BOC: variants seen among roughly 807,000 people sequenced by gnomAD.
BOC encodes brother of CDO.
BOC carries 76 observed loss-of-function variants against 112.0 expected under a neutral mutation model. The ratio of observed to expected loss-of-function variants is 0.68; its 90% CI spans 0.56 to 0.82. The LOEUF (loss-of-function observed/expected upper bound fraction) is 0.82. BOC is among the 40% of genes least tolerant of loss of function. The pLI is 0.00. For missense variants in BOC, 1,309 were observed against 1,511.7 expected, an observed-to-expected ratio of 0.87 and a Z score of 2.22; for synonymous variants, 580 against 599.8, an observed-to-expected ratio of 0.97 and a Z score of 0.48.
In BOC at chr3:113,286,948, T is replaced by G; in HGVS notation, c.*86T>G. ...AAAAAGAGACAGAGAAAATTGGTAT[T>G]TATTTTTCTATTATAGCCATATTTA... is the stretch of plus-strand genomic sequence containing the variant. On this transcript the variant is annotated 3_prime_UTR_variant, in exon 20 of 20. Coordinates refer to ENST00000682979, the MANE Select transcript of BOC (RefSeq NM_001378074.1). 3 of 1,284,860 alleles carry G rather than the reference T, an allele frequency of 2.3e-6. No homozygotes were observed. Among genetic ancestry groups the G allele is most frequent in the Non-Finnish European group, 2.1e-6 (2 of 937,646 alleles). 79.6% of individuals were successfully genotyped at this position (1,284,860 alleles called of 1,614,324 possible). A position where few individuals can be genotyped will look rare whatever the true frequency, so the allele number is the denominator to read the frequency against.
At chr3:113,259,160 A>G (rs1371123932) in intron 4 of BOC, among the ~76,000 whole-genome samples, 1 of 152,144 alleles carries the variant, frequency 6.6e-6, no homozygotes, top group Non-Finnish European at 1.5e-5. Flanking sequence ...GTCCCATTCT[A>G]TATTTATCAG....
At chr3:113,264,627 T>C (rs1283614916) in intron 4 of BOC, among the ~76,000 whole-genome samples, 1 of 152,166 alleles carries the variant, frequency 6.6e-6, no homozygotes. Context: ...GGTTAGGCTC[T>C]TATTGATCAT....
At chr3:113,251,099 G>C (rs530351637) in intron 4 of BOC, 9 of 598,964 alleles carry the variant, frequency 1.5e-5, no homozygotes, top group African/African-American at 1.5e-4. Flanking sequence ...GGCAGAACTT[G>C]ACATGGCAGA....
chr3:113,280,039 A>T (rs1038918596), intron 13 of BOC, 34 bp downstream of exon 13: 1 of 1,566,444 alleles, frequency 6.4e-7, no homozygotes, highest in East Asian at 2.3e-5. Context: ...GCAGTGGAAG[A>T]CGGCCTCCCC....
chr3:113,228,887 C>T (rs555111699), intron 2 of BOC, among the ~76,000 whole-genome samples: 2 of 152,342 alleles, frequency 1.3e-5, no homozygotes, highest in South Asian at 4.1e-4. Context: ...CTGCCCCTCC[C>T]ATCCCTGCCT....
chr3:113,262,886 A>G (rs1226920342), intron 4 of BOC, among the ~76,000 whole-genome samples: 1 of 152,192 alleles, frequency 6.6e-6, no homozygotes, highest in African/African-American at 2.4e-5. Context: ...GAGGAGTGTC[A>G]GGGACCCTTT....
Position 113,268,164 on chromosome 3 carries a change from A to G in BOC, c.377-135A>G, listed in dbSNP as rs181931954. Reference sequence around the variant, plus strand: ...GTAGACAACAAGGGGCTGGAGGAAGAACTCGGAGGATCCCCTGATATCCCC... The same window carrying G: ...GTAGACAACAAGGGGCTGGAGGAAGGACTCGGAGGATCCCCTGATATCCCC... On this transcript the variant is annotated intron_variant, in intron 4 of 19. Coordinates refer to ENST00000682979, the MANE Select transcript of BOC (RefSeq NM_001378074.1). 2.5e-4 allele frequency: 337 copies of G among 1,362,554 alleles called. No homozygotes were observed. In the African/African-American group the frequency reaches 3.8e-3, roughly 15 times the overall value. 84.4% of individuals were successfully genotyped at this position (1,362,554 alleles called of 1,614,324 possible).
chr3:113,236,320 A>ATATATATATATATATATATATAT (rs1553726986), intron 2 of BOC, among the ~76,000 whole-genome samples: 5 of 93,798 alleles, frequency 5.3e-5, no homozygotes, highest in Non-Finnish European at 1.1e-4. Flanking sequence ...ATACCCATGG[A>ATATATATATATATATATATATAT]ATACTGCTCA....
At chr3:113,250,113 G>A (rs887173847) in intron 3 of BOC, among the ~76,000 whole-genome samples, 2 of 119,348 alleles carry the variant, frequency 1.7e-5, no homozygotes, top group South Asian at 2.3e-4. Context: ...AAGCTATACC[G>A]GAGGAGGAGG....
At chr3:113,238,084 G>A (rs907413714) in intron 2 of BOC, among the ~76,000 whole-genome samples, 6 of 152,200 alleles carry the variant, frequency 3.9e-5, no homozygotes, top group African/African-American at 1.4e-4. Context: ...ACGGGAACCA[G>A]AATGAGGAAC....
chr3:113,250,748 C>T lies in BOC; in HGVS notation c.291C>T (p.Asn97=), dbSNP rs1945517028. ...GGACCCTCGTCATCACTGCCCTTAACAACCACACTGTGGGACGGTACCAGT... is the reference window on the plus strand; with the variant it reads ...GGACCCTCGTCATCACTGCCCTTAATAACCACACTGTGGGACGGTACCAGT... The part of the protein sequence containing the change: ...THGTLVITAL[N]NHTVGRYQCV... The change falls in exon 4 of 20, where the codon AAC becomes AAT. Residue 97 remains asparagine (N), a synonymous_variant. Transcript: ENST00000682979. The T allele has an allele frequency of 6.2e-7, 1 of 1,614,050 alleles. No individual in the cohort carries two copies. Among genetic ancestry groups the T allele is most frequent in the African/African-American group, 1.3e-5 (1 of 74,920 alleles).
chr3:113,251,046 A>G, intron 4 of BOC: 1 of 633,220 alleles, frequency 1.6e-6, no homozygotes, highest in Admixed American at 2.8e-5. Flanking sequence ...TAGAGGCTGT[A>G]TCTGGAGTGA....
chr3:113,253,531 G>A (rs924503640), intron 4 of BOC, among the ~76,000 whole-genome samples: 1 of 151,670 alleles, frequency 6.6e-6, no homozygotes, highest in Non-Finnish European at 1.5e-5. Context: ...TTACAAATGA[G>A]ATGTGGCTTT....
intron 2 of BOC, among the ~76,000 whole-genome samples, chr3:113,240,674 T>C (rs1944172968): frequency 6.6e-6 from 1 of 152,258 alleles, no homozygotes; most frequent in Admixed American, 6.5e-5. Context: ...CAAATAGCTT[T>C]AGGCTTTACA....
intron 2 of BOC, among the ~76,000 whole-genome samples, chr3:113,247,347 T>C (rs1301405297): frequency 6.6e-6 from 1 of 152,066 alleles, no homozygotes; most frequent in Non-Finnish European, 1.5e-5. Flanking sequence ...AAAAGCAAAT[T>C]AGAGAATTAA....
chr3:113,276,215 T>C (rs920680518), intron 9 of BOC, among the ~76,000 whole-genome samples: 1 of 152,170 alleles, frequency 6.6e-6, no homozygotes, highest in Admixed American at 6.5e-5. Flanking sequence ...TTCAGGCCAA[T>C]AGGTGGCCGT....
intron 9 of BOC, among the ~76,000 whole-genome samples, chr3:113,275,604 T>G (rs1002172826): frequency 5.9e-5 from 9 of 152,200 alleles, no homozygotes; most frequent in African/African-American, 2.2e-4. Flanking sequence ...TTTTAAAAAT[T>G]GTATGTGATA....
chr3:113,228,427 T>C (rs2107678687), intron 2 of BOC, among the ~76,000 whole-genome samples: 1 of 152,192 alleles, frequency 6.6e-6, no homozygotes, highest in East Asian at 1.9e-4. Context: ...GGGGCAGAAC[T>C]GCTCTCTGTG....
Position 113,280,932 on chromosome 3 carries a change from C to T in BOC, c.2312-99C>T. On this transcript the variant is annotated intron_variant, in intron 14 of 19. Transcript: ENST00000682979. The stretch of plus-strand genomic sequence containing the variant: ...CGCCCCTGTGCCAGTCAGTGGCATC[C>T]TCCCCCACACACTGCCCCAGCTGAG... The T allele has an allele frequency of 6.7e-6, 10 of 1,503,748 alleles. No homozygotes were observed. The South Asian group carries it at 1.2e-4, about 18-fold the overall frequency. The allele number at this position is 1,503,748 out of a possible 1,614,324, so 93.2% of individuals were successfully genotyped here.
Sources: allele counts gnomAD v4.1 joint callset (sites outside exome capture counted in the v4.1 genomes callset), GRCh38; gene constraint gnomAD v4.1.1; transcripts MANE v1.5; gene names NCBI Gene and HGNC (gene_info 2026-07-23, HGNC 2026-07-21).